The following TERF2 variants were observed in gnomAD, a reference collection of about 807,000 sequenced individuals.
TERF2 encodes telomeric repeat binding factor 2, also known as telomeric repeat-binding factor 2.
TERF2 carries 16 observed loss-of-function variants against 56.1 expected under a neutral mutation model. The observed-to-expected ratio is 0.29, with a 90% CI of 0.19 to 0.43. The LOEUF is 0.43. Among genes scored for constraint, TERF2 ranks in the 20% least tolerant of loss-of-function variants. TERF2 has a pLI of 1.00. For missense variants in TERF2, 547 were observed against 712.9 expected (o/e 0.77, Z 2.65); for synonymous variants, 296 against 282.1 (o/e 1.05, Z -0.50).
chr16:69,384,207 C>T (rs117541804), intron 3 of TERF2, among the ~76,000 whole-genome samples: 175 of 152,330 alleles, frequency 1.1e-3, no homozygotes, highest in Middle Eastern at 6.8e-3. Context: ...GTCAGTACCA[C>T]ATTTTCCAAG....
rs12919390 is a variant in TERF2, at chr16:69,368,972, G to T, written c.841-490C>A. 2.0e-5 allele frequency among the ~76,000 whole-genome samples: 3 copies of T among 152,022 alleles called. No homozygotes were observed. In the South Asian group the frequency reaches 6.2e-4, roughly 32 times the overall value. On this transcript the variant is annotated intron_variant, in intron 5 of 9. Transcript: ENST00000254942. ...ATTACAGGCATGAGCCACCATGCCC[G>T]GCAATAAATGTTCATACTAATATCT...
chr16:69,379,699 AATTC>A (rs1186303249), intron 3 of TERF2, among the ~76,000 whole-genome samples: 2 of 152,214 alleles, frequency 1.3e-5, no homozygotes, highest in Admixed American at 1.3e-4. Flanking sequence ...AATATTTATT[AATTC>A]ATTAGAAAAT....
intron 3 of TERF2, among the ~76,000 whole-genome samples, chr16:69,378,469 A>C (rs1266515543): frequency 6.6e-6 from 1 of 152,222 alleles, no homozygotes; most frequent in East Asian, 1.9e-4. Flanking sequence ...GCGAAAAAAG[A>C]GAAAAAACTG....
chr16:69,380,539 T>C (rs929221833), intron 3 of TERF2, among the ~76,000 whole-genome samples: 1 of 150,526 alleles, frequency 6.6e-6, no homozygotes, highest in Non-Finnish European at 1.5e-5. Context: ...GCGCCTGTAA[T>C]AACAGCTACT....
rs1429703709 is a variant in TERF2 at position 69,357,504 on chromosome 16, G to A, written c.1470+14C>T. ...CCCACATAACCAGTAACAGAAAAGA[G>A]AATTTTAAATTACCTGCTTTTTTGT... On this transcript the variant is annotated intron_variant, in intron 9 of 9. Transcript: ENST00000254942. The A allele has an allele frequency of 5.0e-6, 8 of 1,610,176 alleles. No homozygotes were observed. The highest frequency in any genetic ancestry group is 6.8e-6 in the Non-Finnish European group (8 of 1,177,190).
chr16:69,378,358 TCTC>T lies in TERF2; in HGVS notation c.607-6006_607-6004del, dbSNP rs1597258022. 2.6e-5 allele frequency among the ~76,000 whole-genome samples: 4 copies of T among 152,236 alleles called. No homozygotes were observed. In the East Asian group the frequency reaches 5.8e-4, roughly 22 times the overall value. On this transcript the variant is annotated intron_variant, in intron 3 of 9. Coordinates refer to ENST00000254942, the MANE Select transcript of TERF2 (RefSeq NM_005652.5). ...CAGCTCCTTTGGTGAGAAAAAGAGT[TCTC>T]CTCCTTCAGTTTTAGATGTCTGCCC...
intron 3 of TERF2, among the ~76,000 whole-genome samples, chr16:69,377,472 C>T (rs1269440122): frequency 1.3e-5 from 2 of 152,004 alleles, no homozygotes; most frequent in African/African-American, 2.4e-5. Context: ...GGACTACAGG[C>T]GCATGCCACC....
intron 3 of TERF2, among the ~76,000 whole-genome samples, chr16:69,378,307 G>C (rs2013868157): frequency 6.6e-6 from 1 of 152,178 alleles, no homozygotes; most frequent in South Asian, 2.1e-4. Flanking sequence ...GAAGGCTATG[G>C]AATTTGTTCC....
chr16:69,360,903 T>C (rs371029906), intron 8 of TERF2, among the ~76,000 whole-genome samples: 12 of 152,170 alleles, frequency 7.9e-5, no homozygotes, highest in African/African-American at 2.9e-4. Flanking sequence ...GGCGTTACTC[T>C]GACAGTCTCC....
Position 69,375,001 on chromosome 16 carries a change from C to CT in TERF2, c.607-2647dup, listed in dbSNP as rs1011752345. On this transcript the variant is annotated intron_variant, in intron 3 of 9. Coordinates refer to ENST00000254942, the MANE Select transcript of TERF2 (RefSeq NM_005652.5). ...ACAAAAAAGCCGTAAGTGTGTAGGACTTTTTTTTTAAAGGATGTAGCCTTG... is the reference window on the plus strand; with the variant it reads ...ACAAAAAAGCCGTAAGTGTGTAGGACTTTTTTTTTTAAAGGATGTAGCCTTG... Among the ~76,000 whole-genome samples, 74 of 151,500 alleles carry CT rather than the reference C, an allele frequency of 4.9e-4. No individual in the cohort carries two copies. The Middle Eastern group carries it at 0.01, about 21-fold the overall frequency.
Position 69,366,615 on chromosome 16 carries a change from C to T in TERF2, c.1340+192G>A, listed in dbSNP as rs904173199. 6 of 677,898 alleles carry T rather than the reference C, an allele frequency of 8.9e-6. No homozygotes were observed. In the African/African-American group the frequency reaches 1.1e-4, roughly 12 times the overall value. The allele number at this position is 677,898 out of a possible 1,614,324, so 42.0% of individuals were successfully genotyped here. A position where few individuals can be genotyped will look rare whatever the true frequency, so the allele number is the denominator to read the frequency against. ...TGCCCTAGTGCAAGGCTTGGAAGCC[C>T]ACATGCGGGGCTTCAGAACCGGCAG... On this transcript the variant is annotated intron_variant, in intron 7 of 9. Transcript: ENST00000254942.
intron 3 of TERF2, among the ~76,000 whole-genome samples, chr16:69,376,976 G>A (rs571073166): frequency 1.6e-4 from 24 of 152,100 alleles, no homozygotes; most frequent in Admixed American, 7.2e-4. Context: ...CGACGCAGGC[G>A]GATTGCCTGA....
chr16:69,368,661 T>A (rs201159782), intron 5 of TERF2, 179 bp from the exon 6 acceptor site: 46 of 1,481,716 alleles, frequency 3.1e-5, no homozygotes, highest in Admixed American at 2.4e-4. Flanking sequence ...AAGCTTTTTT[T>A]ATTCAAACTT....
Position 69,356,811 on chromosome 16 carries a change from A to G in TERF2, c.*87T>C, listed in dbSNP as rs1423070235. 1.6e-5 allele frequency: 23 copies of G among 1,448,348 alleles called. No individual in the cohort carries two copies. The highest frequency in any genetic ancestry group is 5.8e-5 in the South Asian group (4 of 69,490). The allele number at this position is 1,448,348 out of a possible 1,614,324, so 89.7% of individuals were successfully genotyped here. On this transcript the variant is annotated 3_prime_UTR_variant, in exon 10 of 10. Coordinates refer to ENST00000254942, the MANE Select transcript of TERF2 (RefSeq NM_005652.5). Reference sequence around the variant, plus strand: ...CGAGACTCTGTCTCAAAAAAAAAAAAAAAAGAAAAAGAAAGAAAGAGCAGA... The same window carrying G: ...CGAGACTCTGTCTCAAAAAAAAAAAGAAAAGAAAAAGAAAGAAAGAGCAGA...
At position 69,356,458 on chromosome 16, in the gene TERF2, C is replaced by G. The variant is rs1294774320; in HGVS notation, c.*440G>C. ...GATGAAGTGGAAATGGGACCTCCCC[C>G]ACGTCGAAGGAGGTTGCCCAAAATT... On this transcript the variant is annotated 3_prime_UTR_variant, in exon 10 of 10. Coordinates refer to ENST00000254942, the MANE Select transcript of TERF2 (RefSeq NM_005652.5). 2 of 269,174 alleles carry G rather than the reference C, an allele frequency of 7.4e-6. No homozygotes were observed. Among genetic ancestry groups the G allele is most frequent in the Non-Finnish European group, 1.5e-5 (2 of 136,318 alleles). 16.7% of individuals were successfully genotyped at this position (269,174 alleles called of 1,614,324 possible). A position where few individuals can be genotyped will look rare whatever the true frequency, so the allele number is the denominator to read the frequency against.
At chr16:69,381,280 C>T (rs536792759) in intron 3 of TERF2, among the ~76,000 whole-genome samples, 1 of 152,242 alleles carries the variant, frequency 6.6e-6, no homozygotes, top group African/African-American at 2.4e-5. Context: ...GACAGGTTTG[C>T]TTTACTCATT....
intron 3 of TERF2, among the ~76,000 whole-genome samples, chr16:69,376,869 AAAAAAAAAAAACTGAG>A (rs1452061220): frequency 6.6e-6 from 1 of 150,738 alleles, no homozygotes; most frequent in Non-Finnish European, 1.5e-5. Flanking sequence ...CATTGAAAAA[AAAAAAAAAAAACTGAG>A]AAAAAGACAA....
chr16:69,385,671 A>C lies in TERF2; in HGVS notation c.301T>G (p.Phe101Val). ...EEAVNRWVLKFYFHEALRAFR... is the reference protein window; with the variant it reads ...EEAVNRWVLKVYFHEALRAFR... ...GCCCGCAGCGCCTCGTGGAAGTAGA[A>C]CTTGAGCACCCAGCGATTGACTGCC... Residue 101 changes from phenylalanine (F) to valine (V), a missense_variant, in exon 1 of 10, where the codon TTC (phenylalanine) becomes GTC (valine). This residue lies in a region of TERF2 where 120 missense variants were observed against 172.4 expected (regional missense o/e 0.70). Coordinates refer to ENST00000254942, the MANE Select transcript of TERF2 (RefSeq NM_005652.5). 1 of 1,610,826 alleles carries C rather than the reference A, an allele frequency of 6.2e-7. No individual in the cohort carries two copies. Among genetic ancestry groups the C allele is most frequent in the Non-Finnish European group, 8.5e-7 (1 of 1,179,208 alleles).
rs1164551913 is a variant in TERF2 at position 69,383,196 on chromosome 16, C to T, written c.606+1384G>A. 5.3e-5 allele frequency among the ~76,000 whole-genome samples: 8 copies of T among 152,104 alleles called. No homozygotes were observed. The East Asian group carries it at 7.7e-4, about 15-fold the overall frequency. ...GTTGAGCATCCTAAATCTGAAAATCCGAAATCTGAAATGCTCCAATGAGCA... is the reference window on the plus strand; with the variant it reads ...GTTGAGCATCCTAAATCTGAAAATCTGAAATCTGAAATGCTCCAATGAGCA... On this transcript the variant is annotated intron_variant, in intron 3 of 9. Transcript: ENST00000254942.
Sources: allele counts gnomAD v4.1 joint callset (sites outside exome capture counted in the v4.1 genomes callset), GRCh38; gene constraint gnomAD v4.1.1; regional missense constraint gnomAD v4.1.1; transcripts MANE v1.5; gene names NCBI Gene and HGNC (gene_info 2026-07-23, HGNC 2026-07-21).